Variants in ANKS1B observed in about 807,000 individuals in gnomAD.
ANKS1B encodes the protein ankyrin repeat and sterile alpha motif domain-containing protein 1B.
A neutral mutation model predicts 148.3 loss-of-function variants in ANKS1B; 36 were observed. The ratio of observed to expected loss-of-function variants is 0.24; its 90% CI spans 0.19 to 0.32. ANKS1B has a LOEUF of 0.32. Ranked by LOEUF, ANKS1B falls within the 10% of genes least tolerant of loss-of-function variation. ANKS1B has a pLI of 1.00. For synonymous variants in ANKS1B, 542 were observed against 560.8 expected, an observed-to-expected ratio of 0.97 and a Z score of 0.47; for missense variants, 1,157 against 1,542.6, an observed-to-expected ratio of 0.75 and a Z score of 4.19.
intron 1 of ANKS1B, among the ~76,000 whole-genome samples, chr12:99,863,031 G>T (rs1378713094): frequency 1.3e-5 from 2 of 152,202 alleles, no homozygotes; most frequent in Admixed American, 6.5e-5. Context: ...GAATAGAGAG[G>T]CAATCCCAGT....
intron 18 of ANKS1B, 117 bp downstream of exon 18, chr12:98,831,912 G>A: frequency 1.1e-6 from 1 of 923,318 alleles, no homozygotes. Flanking sequence ...ACCACACCTG[G>A]CTAAATTTTT....
At chr12:99,635,190 A>G (rs1359380506) in intron 9 of ANKS1B, among the ~76,000 whole-genome samples, 1 of 152,238 alleles carries the variant, frequency 6.6e-6, no homozygotes, top group Non-Finnish European at 1.5e-5. Flanking sequence ...TATGGAAAAC[A>G]GCACTGCAGT....
intron 14 of ANKS1B, among the ~76,000 whole-genome samples, chr12:99,230,363 T>A (rs751256458): frequency 3.3e-5 from 5 of 152,156 alleles, no homozygotes; most frequent in Admixed American, 6.6e-5. Context: ...TGTTGGTTGA[T>A]CATATATCAG....
intron 1 of ANKS1B, among the ~76,000 whole-genome samples, chr12:99,951,780 A>C (rs1275299908): frequency 6.6e-6 from 1 of 152,140 alleles, no homozygotes; most frequent in Non-Finnish European, 1.5e-5. Context: ...ACTATAACTC[A>C]GGAGGCTGAG....
At chr12:99,476,882 G>A (rs562985140) in intron 10 of ANKS1B, among the ~76,000 whole-genome samples, 74 of 152,200 alleles carry the variant, frequency 4.9e-4, no homozygotes, top group Admixed American at 1.8e-3. Context: ...GGCTTGACTG[G>A]GAGAAATTGA....
chr12:99,262,925 G>A (rs979843154), intron 12 of ANKS1B, among the ~76,000 whole-genome samples: 6 of 151,720 alleles, frequency 4.0e-5, no homozygotes, highest in African/African-American at 9.7e-5. Flanking sequence ...AATCATCTTC[G>A]GACCTGTTTT....
At chr12:99,713,072 G>T (rs1003848425) in intron 8 of ANKS1B, among the ~76,000 whole-genome samples, 5 of 152,270 alleles carry the variant, frequency 3.3e-5, no homozygotes, top group Admixed American at 3.3e-4. Flanking sequence ...CAAAAACTTT[G>T]TGGGTCTCCC....
intron 1 of ANKS1B, among the ~76,000 whole-genome samples, chr12:99,836,266 T>C (rs1209641025): frequency 3.3e-5 from 5 of 152,184 alleles, no homozygotes; most frequent in Non-Finnish European, 7.4e-5. Context: ...AAACGTTGGC[T>C]TTGTAGTAAA....
intron 12 of ANKS1B, among the ~76,000 whole-genome samples, chr12:99,259,709 G>A (rs893089411): frequency 3.3e-5 from 5 of 152,206 alleles, no homozygotes; most frequent in South Asian, 2.1e-4. Flanking sequence ...CTTGGCATGC[G>A]CTTTGCATTG....
At chr12:99,046,636 A>G (rs1391778352) in intron 17 of ANKS1B, among the ~76,000 whole-genome samples, 1 of 151,994 alleles carries the variant, frequency 6.6e-6, no homozygotes, top group Non-Finnish European at 1.5e-5. Context: ...CGTCTCTACT[A>G]AAAATACAAA....
chr12:98,940,738 T>A (rs2099835406), intron 17 of ANKS1B, among the ~76,000 whole-genome samples: 1 of 152,144 alleles, frequency 6.6e-6, no homozygotes, highest in South Asian at 2.1e-4. Context: ...AACAAATGAA[T>A]CAATGAGATA....
chr12:99,773,407 A>G (rs1227094417), intron 7 of ANKS1B, among the ~76,000 whole-genome samples: 2 of 152,142 alleles, frequency 1.3e-5, no homozygotes, highest in African/African-American at 2.4e-5. Context: ...TAATTTCCAT[A>G]ATATTTCATT....
At chr12:98,966,968 A>G (rs985085908) in intron 17 of ANKS1B, among the ~76,000 whole-genome samples, 4 of 152,130 alleles carry the variant, frequency 2.6e-5, no homozygotes, top group Admixed American at 2.0e-4. Context: ...TAGCACACCA[A>G]CATGGCACAT....
At chr12:99,077,223 A>G (rs1468508318) in intron 16 of ANKS1B, among the ~76,000 whole-genome samples, 1 of 152,182 alleles carries the variant, frequency 6.6e-6, no homozygotes, top group Non-Finnish European at 1.5e-5. Flanking sequence ...ACTTTAGGTT[A>G]GGACCTCCAT....
intron 9 of ANKS1B, among the ~76,000 whole-genome samples, chr12:99,568,222 C>G (rs1304111499): frequency 6.6e-6 from 1 of 152,182 alleles, no homozygotes; most frequent in Non-Finnish European, 1.5e-5. Flanking sequence ...TTTCCAGCTT[C>G]TAGAGGAGAC....
chr12:99,260,165 C>T (rs1339973145), intron 12 of ANKS1B, among the ~76,000 whole-genome samples: 1 of 151,666 alleles, frequency 6.6e-6, no homozygotes, highest in Non-Finnish European at 1.5e-5. Context: ...ATATACTATC[C>T]CAATGGATTA....
chr12:99,093,425 C>G (rs1030308874), intron 15 of ANKS1B: 2 of 152,236 alleles, frequency 1.3e-5, no homozygotes, highest in African/African-American at 4.8e-5. Flanking sequence ...CCTTGTCAAA[C>G]GACCTGACTG....
intron 9 of ANKS1B, among the ~76,000 whole-genome samples, chr12:99,516,264 T>C (rs752091480): frequency 6.6e-6 from 1 of 152,150 alleles, no homozygotes; most frequent in Non-Finnish European, 1.5e-5. Context: ...AAACTTTTCT[T>C]ATGGCAGTTT....
intron 8 of ANKS1B, among the ~76,000 whole-genome samples, chr12:99,684,110 A>G (rs551999718): frequency 4.9e-4 from 75 of 152,192 alleles, no homozygotes; most frequent in African/African-American, 1.6e-3. Flanking sequence ...TCCTAGCCAG[A>G]GCAATCAGAC....
Sources: gnomAD v4.1 joint callset for allele counts (sites outside exome capture counted in the v4.1 genomes callset) on GRCh38, gnomAD v4.1.1 for gene constraint, MANE v1.5 for transcripts, NCBI Gene and HGNC (gene_info 2026-07-23, HGNC 2026-07-21) for gene names.